EXOC4: variants seen among roughly 807,000 people sequenced by gnomAD.
The protein encoded by EXOC4 is exocyst complex component 4, also known as SEC8-like 1.
Under a neutral mutation model 107.2 loss-of-function variants are expected in EXOC4, and 71 were observed. The observed-to-expected ratio is 0.66, with a 90% CI of 0.55 to 0.81. The LOEUF is 0.81. Among genes scored for constraint, EXOC4 ranks in the 30% least tolerant of loss-of-function variants. The pLI is 0.00. For missense variants in EXOC4, 1,108 were observed against 1,189.6 expected (o/e 0.93, Z 1.01); for synonymous variants, 456 against 441.2 (o/e 1.03, Z -0.42).
At chr7:133,499,396 C>T (rs1009412405) in intron 9 of EXOC4, among the ~76,000 whole-genome samples, 3 of 152,038 alleles carry the variant, frequency 2.0e-5, no homozygotes, top group Non-Finnish European at 4.4e-5. Context: ...GGTATTTTCC[C>T]TTCAAGTTTA....
chr7:133,361,147 A>G lies in EXOC4; in HGVS notation c.1007+4574A>G, dbSNP rs535466983. On this transcript the variant is annotated intron_variant, in intron 6 of 17. Transcript: ENST00000253861. ...TTGGGTAAAATGCCCAACAAATTAT[A>G]TGTGGTCCCTGTCCTCATGGAGTTT... Among the ~76,000 whole-genome samples the G allele has an allele frequency of 3.9e-5, 6 of 152,332 alleles. No homozygotes were observed. The East Asian group carries it at 1.2e-3, about 29-fold the overall frequency.
At chr7:134,088,868 A>G in the EXOC4 span, among the ~76,000 whole-genome samples, 1 of 152,180 alleles carries the variant, frequency 6.6e-6, no homozygotes. Context: ...AAGTTTTATT[A>G]TATTTGTCAG....
chr7:133,519,551 TA>T (rs1337133301), intron 9 of EXOC4, among the ~76,000 whole-genome samples: 4 of 151,986 alleles, frequency 2.6e-5, no homozygotes, highest in South Asian at 2.1e-4. Flanking sequence ...ATAAAATGCA[TA>T]AAAACAGGTA....
intron 10 of EXOC4, among the ~76,000 whole-genome samples, chr7:133,653,235 A>G (rs1803205317): frequency 6.6e-6 from 1 of 152,210 alleles, no homozygotes; most frequent in Non-Finnish European, 1.5e-5. Flanking sequence ...AGTAGATGCT[A>G]TATTTTCAGA....
At chr7:133,669,537 C>G (rs976667122) in intron 10 of EXOC4, among the ~76,000 whole-genome samples, 10 of 151,734 alleles carry the variant, frequency 6.6e-5, no homozygotes, top group African/African-American at 2.4e-4. Flanking sequence ...ATTTTAGAAA[C>G]CAATTAAATA....
intron 1 of EXOC4, among the ~76,000 whole-genome samples, chr7:133,254,806 A>G (rs1794978014): frequency 6.6e-6 from 1 of 152,192 alleles, no homozygotes; most frequent in South Asian, 2.1e-4. Context: ...GCTGTTTCTA[A>G]TGAAAGTGAA....
intron 17 of EXOC4, among the ~76,000 whole-genome samples, chr7:134,011,213 G>A (rs140758926): frequency 2.0e-3 from 304 of 152,192 alleles, no homozygotes; most frequent in Non-Finnish European, 3.2e-3. Flanking sequence ...TTCCACATGT[G>A]AGTCACAGAA....
chr7:133,995,095 G>T (rs1398745650), intron 14 of EXOC4, among the ~76,000 whole-genome samples: 1 of 152,148 alleles, frequency 6.6e-6, no homozygotes, highest in Non-Finnish European at 1.5e-5. Flanking sequence ...ACAGTGTGCT[G>T]TTACCTGAAA....
chr7:133,989,831 A>T (rs1794206971), intron 14 of EXOC4, among the ~76,000 whole-genome samples: 1 of 152,190 alleles, frequency 6.6e-6, no homozygotes, highest in Admixed American at 6.5e-5. Context: ...GGGAGCAGGT[A>T]GGACAAAGGG....
intron 9 of EXOC4, among the ~76,000 whole-genome samples, chr7:133,586,042 G>A (rs1338622757): frequency 1.4e-4 from 22 of 152,162 alleles, no homozygotes; most frequent in Admixed American, 1.4e-3. Flanking sequence ...GGAGAAAAAG[G>A]AGGAAAGGCA....
In EXOC4 at chr7:133,740,492, T is replaced by C. The variant is rs763130111; in HGVS notation, c.1515-76833T>C. ...GTGACACTGCTCAGGAGAGTCTCTG[T>C]TAAAAAAATTATCTGGAAACACTCC... On this transcript the variant is annotated intron_variant, in intron 10 of 17. Transcript: ENST00000253861. 1.1e-4 allele frequency among the ~76,000 whole-genome samples: 16 copies of C among 152,298 alleles called. No homozygotes were observed. The Middle Eastern group carries it at 0.01, about 97-fold the overall frequency.
intron 14 of EXOC4, among the ~76,000 whole-genome samples, chr7:133,964,171 C>G (rs1243076872): frequency 6.6e-6 from 1 of 152,094 alleles, no homozygotes; most frequent in Non-Finnish European, 1.5e-5. Flanking sequence ...AAGTAAACCC[C>G]AAACCTCCTT....
chr7:133,867,458 C>G (rs1195325710), intron 11 of EXOC4, among the ~76,000 whole-genome samples: 1 of 152,210 alleles, frequency 6.6e-6, no homozygotes, highest in Non-Finnish European at 1.5e-5. Flanking sequence ...GCAGTCTCAG[C>G]TTCCTCTCTC....
At chr7:133,360,315 T>C (rs1042617079) in intron 6 of EXOC4, among the ~76,000 whole-genome samples, 2 of 152,210 alleles carry the variant, frequency 1.3e-5, no homozygotes, top group Non-Finnish European at 2.9e-5. Flanking sequence ...TGGTATCTTG[T>C]CAAGAATATG....
chr7:133,928,920 AC>A (rs1800111114), intron 13 of EXOC4, among the ~76,000 whole-genome samples: 1 of 132,880 alleles, frequency 7.5e-6, no homozygotes, highest in Admixed American at 7.6e-5. Context: ...AAACAGTAGT[AC>A]CTTTTTTTTT....
intron 10 of EXOC4, among the ~76,000 whole-genome samples, chr7:133,699,822 A>G (rs905498547): frequency 2.6e-5 from 4 of 152,160 alleles, no homozygotes; most frequent in Non-Finnish European, 5.9e-5. Context: ...CATTCACTAA[A>G]TGTTTGATTT....
intron 3 of EXOC4, among the ~76,000 whole-genome samples, chr7:133,293,963 G>A (rs1211360975): frequency 6.6e-6 from 1 of 152,190 alleles, no homozygotes; most frequent in Non-Finnish European, 1.5e-5. Flanking sequence ...ATTTCTGGTT[G>A]CAGCATCACA....
intron 7 of EXOC4, among the ~76,000 whole-genome samples, chr7:133,388,096 G>A (rs780480638): frequency 5.9e-5 from 9 of 151,934 alleles, no homozygotes; most frequent in Non-Finnish European, 1.3e-4. Context: ...TTTAAGCCAC[G>A]GGCTGCGATT....
chr7:133,777,914 T>C (rs1324070899), intron 10 of EXOC4, among the ~76,000 whole-genome samples: 1 of 152,202 alleles, frequency 6.6e-6, no homozygotes, highest in East Asian at 1.9e-4. Context: ...TGGTGCATAC[T>C]TTACCCAGGT....
Sources: gnomAD v4.1 joint callset for allele counts (sites outside exome capture counted in the v4.1 genomes callset) on GRCh38, gnomAD v4.1.1 for gene constraint, MANE v1.5 for transcripts, NCBI Gene and HGNC (gene_info 2026-07-23, HGNC 2026-07-21) for gene names.